ULK4: variants seen among roughly 807,000 people sequenced by gnomAD.
The protein encoded by ULK4 is unc-51 like kinase 4.
Under a neutral mutation model 160.6 loss-of-function variants are expected in ULK4, and 133 were observed. The observed-to-expected ratio is 0.83, with a 90% confidence interval of 0.72 to 0.96. The LOEUF (loss-of-function observed/expected upper bound fraction) is 0.96, where lower values mean the gene tolerates loss of function less well. Among genes scored for constraint, ULK4 ranks in the 40% least tolerant of loss-of-function variants. ULK4 has a pLI of 0.00. For synonymous variants in ULK4, 534 were observed against 539.8 expected, an observed-to-expected ratio of 0.99 and a Z score of 0.15; for missense variants, 1,580 against 1,499.5, an observed-to-expected ratio of 1.05 and a Z score of -0.89.
At chr3:41,281,076 G>A (rs766177207) in intron 35 of ULK4, among the ~76,000 whole-genome samples, 10 of 152,042 alleles carry the variant, frequency 6.6e-5, no homozygotes, top group African/African-American at 1.7e-4. Context: ...TAAATTCCTG[G>A]ACACATACAC....
intron 31 of ULK4, among the ~76,000 whole-genome samples, chr3:41,592,807 T>C (rs2031442098): frequency 6.6e-6 from 1 of 152,224 alleles, no homozygotes; most frequent in Non-Finnish European, 1.5e-5. Flanking sequence ...GTGAGTATCT[T>C]ATCTATGCCT....
intron 33 of ULK4, among the ~76,000 whole-genome samples, chr3:41,460,043 C>A (rs115637785): frequency 0.011 from 1,742 of 152,166 alleles, 15 homozygotes; most frequent in Non-Finnish European, 0.02. Flanking sequence ...GAGGGGAAGG[C>A]CGTGAAGGAA....
chr3:41,641,523 C>G (rs983995670), intron 30 of ULK4, among the ~76,000 whole-genome samples: 1 of 151,818 alleles, frequency 6.6e-6, no homozygotes, highest in African/African-American at 2.4e-5. Context: ...ACAGGGAGAC[C>G]CCATCACTAC....
Position 41,566,102 on chromosome 3 carries a change from G to C in ULK4, c.3149C>G (p.Thr1050Ser). Residue 1050 changes from threonine to serine, a missense_variant, in exon 32 of 37, where the codon ACC (threonine) becomes AGC (serine). Physicochemically the swap from Thr to Ser is moderately conservative, Grantham distance 58 (BLOSUM62 1). Coordinates refer to ENST00000301831, the MANE Select transcript of ULK4 (RefSeq NM_017886.4). Reference protein sequence around the residue: ...LEHQESILGNTMQSVIALLSN... With the variant: ...LEHQESILGNSMQSVIALLSN... ...GAGTAATGCAATCACACTTTGCATG[G>C]TATTACCCAGAATGCTCTCCTGATG... The C allele has an allele frequency of 6.2e-7, 1 of 1,612,958 alleles. No individual in the cohort carries two copies. The highest frequency in any genetic ancestry group is 2.2e-5 in the East Asian group (1 of 44,820).
intron 1 of ULK4, among the ~76,000 whole-genome samples, chr3:41,961,679 G>C (rs906129075): frequency 4.2e-4 from 64 of 152,070 alleles, no homozygotes; most frequent in African/African-American, 1.4e-3. Flanking sequence ...GCTGCAGGGC[G>C]GTGAAGACGC....
intron 22 of ULK4, among the ~76,000 whole-genome samples, chr3:41,738,585 G>C (rs2038133337): frequency 6.6e-6 from 1 of 151,882 alleles, no homozygotes; most frequent in African/African-American, 2.4e-5. Context: ...AGTTGGCTTA[G>C]TAAGATACAT....
intron 5 of ULK4, among the ~76,000 whole-genome samples, chr3:41,920,844 C>T (rs568319016): frequency 9.2e-5 from 14 of 152,228 alleles, no homozygotes; most frequent in African/African-American, 3.4e-4. Context: ...TTGTACACAT[C>T]GATGGAAGGT....
intron 17 of ULK4, among the ~76,000 whole-genome samples, chr3:41,850,915 T>C (rs1434667816): frequency 6.6e-6 from 1 of 152,160 alleles, no homozygotes; most frequent in African/African-American, 2.4e-5. Context: ...TTGCCTAGGT[T>C]TTCTTCTAGG....
At chr3:41,400,472 A>T (rs972000214) in intron 34 of ULK4, among the ~76,000 whole-genome samples, 2 of 152,168 alleles carry the variant, frequency 1.3e-5, no homozygotes, top group African/African-American at 4.8e-5. Flanking sequence ...CACTCAGCAT[A>T]ATTTCTTTAA....
intron 35 of ULK4, among the ~76,000 whole-genome samples, chr3:41,334,340 G>T (rs1375617885): frequency 6.6e-6 from 1 of 152,062 alleles, no homozygotes; most frequent in Non-Finnish European, 1.5e-5. Flanking sequence ...CACTCGTATT[G>T]GTTGTTTCTA....
intron 35 of ULK4, among the ~76,000 whole-genome samples, chr3:41,259,009 C>A (rs2078893428): frequency 1.4e-5 from 2 of 146,484 alleles, no homozygotes; most frequent in Non-Finnish European, 3.0e-5. Context: ...CATATGTATA[C>A]ATATATACAT....
chr3:41,640,160 T>C (rs1453725461), intron 30 of ULK4, among the ~76,000 whole-genome samples: 1 of 152,210 alleles, frequency 6.6e-6, no homozygotes, highest in Admixed American at 6.5e-5. Context: ...GTCCCATTTC[T>C]ATTGGCATAC....
At chr3:41,735,576 T>A (rs2038004285) in intron 22 of ULK4, among the ~76,000 whole-genome samples, 1 of 152,094 alleles carries the variant, frequency 6.6e-6, no homozygotes, top group Non-Finnish European at 1.5e-5. Flanking sequence ...CCATTCCATT[T>A]GAATTCATTC....
rs193270036 is a variant in ULK4 at position 41,583,165 on chromosome 3, C to T, written c.3121-17035G>A. On this transcript the variant is annotated intron_variant, in intron 31 of 36. Transcript: ENST00000301831. ...GCTCCCCAGAAATGCCTCAGAGCTG[C>T]GGTGTGGCAGGAAGCCTAAATGAGG... Among the ~76,000 whole-genome samples, 10 of 152,180 alleles carry T rather than the reference C, an allele frequency of 6.6e-5. 1 individual carries two copies. In the East Asian group the frequency reaches 1.4e-3, roughly 21 times the overall value.
At chr3:41,615,864 C>G in intron 30 of ULK4, 147 bp from the exon 31 acceptor site, 1 of 748,796 alleles carries the variant, frequency 1.3e-6, no homozygotes, top group East Asian at 2.8e-5. Flanking sequence ...TTTTAAGACA[C>G]TGAACTATAG....
intron 34 of ULK4, among the ~76,000 whole-genome samples, chr3:41,416,405 T>A (rs1332914760): frequency 6.6e-6 from 1 of 152,220 alleles, no homozygotes; most frequent in African/African-American, 2.4e-5. Context: ...GCAGGGACTC[T>A]CCTGGGTCCT....
chr3:41,589,430 CAAAAAAA>C (rs34913730), intron 31 of ULK4, among the ~76,000 whole-genome samples: 17 of 72,098 alleles, frequency 2.4e-4, no homozygotes, highest in African/African-American at 3.8e-4. Flanking sequence ...AAGGCCAGGC[CAAAAAAA>C]AAAAAAAAAA....
At chr3:41,304,268 C>T (rs2079857066) in intron 35 of ULK4, among the ~76,000 whole-genome samples, 1 of 71,198 alleles carries the variant, frequency 1.4e-5, no homozygotes, top group South Asian at 4.5e-4. Flanking sequence ...AGCAAAGCTC[C>T]CCCTCAAAAA....
intron 18 of ULK4, 122 bp downstream of exon 18, chr3:41,835,742 C>T (rs1353420861): frequency 8.4e-6 from 5 of 595,116 alleles, no homozygotes; most frequent in East Asian, 2.9e-5. Flanking sequence ...AAAATTTATC[C>T]TAAGTTCCTC....
Sources: gnomAD v4.1 joint callset for allele counts (sites outside exome capture counted in the v4.1 genomes callset) on GRCh38, gnomAD v4.1.1 for gene constraint, MANE v1.5 for transcripts, NCBI Gene and HGNC (gene_info 2026-07-23, HGNC 2026-07-21) for gene names.